Variants in USH2A observed in about 807,000 individuals in gnomAD.
USH2A encodes the protein usherin, also known as Usher syndrome 2A (autosomal recessive, mild).
In USH2A, 443 loss-of-function variants were observed where a neutral mutation model predicts 538.9. That is an observed-to-expected ratio of 0.82 (90% CI 0.76 to 0.89). The LOEUF (loss-of-function observed/expected upper bound fraction) is 0.89. USH2A is among the 40% of genes least tolerant of loss of function. The pLI, the probability that USH2A is intolerant of heterozygous loss-of-function variation, is 0.00. For missense variants in USH2A, 6,633 were observed against 6,324.8 expected, an observed-to-expected ratio of 1.05 and a Z score of -1.65; for synonymous variants, 2,413 against 2,273.5, an observed-to-expected ratio of 1.06 and a Z score of -1.75.
intron 32 of USH2A, among the ~76,000 whole-genome samples, chr1:216,031,870 C>T (rs904174494): frequency 5.9e-5 from 9 of 152,258 alleles, no homozygotes; most frequent in African/African-American, 1.9e-4. Flanking sequence ...CTAGTGACTA[C>T]GCAACCATGG....
At chr1:216,138,218 A>C (rs2033524693) in intron 21 of USH2A, among the ~76,000 whole-genome samples, 1 of 152,208 alleles carries the variant, frequency 6.6e-6, no homozygotes, top group South Asian at 2.1e-4. Context: ...TATTTAGGAT[A>C]ATGGCCGGTA....
chr1:216,045,057 AG>A (rs1277215957), intron 32 of USH2A, among the ~76,000 whole-genome samples: 1 of 152,122 alleles, frequency 6.6e-6, no homozygotes, highest in East Asian at 1.9e-4. Flanking sequence ...CCAAGAGAAG[AG>A]GGACAGTATC....
At chr1:216,321,046 TA>T (rs1174950341) in intron 9 of USH2A, among the ~76,000 whole-genome samples, 1 of 152,108 alleles carries the variant, frequency 6.6e-6, no homozygotes, top group Admixed American at 6.5e-5. Flanking sequence ...TTTATTTTAA[TA>T]TATTTATAGT....
rs145148874 is a variant in USH2A, at chr1:216,361,683, G to A, written c.784+3270C>T. 9.3e-4 allele frequency among the ~76,000 whole-genome samples: 142 copies of A among 152,246 alleles called. 1 individual carries two copies. Among genetic ancestry groups the A allele is most frequent in the African/African-American group, 3.3e-3 (139 of 41,572 alleles). ...CAGGAAATGCACTACATGGCTACAA[G>A]AATGGCAAAGAATGATAACATCTGG... On this transcript the variant is annotated intron_variant, in intron 4 of 71. Coordinates refer to ENST00000307340, the MANE Select transcript of USH2A (RefSeq NM_206933.4).
At chr1:216,281,763 A>G (rs968475500) in intron 11 of USH2A, among the ~76,000 whole-genome samples, 1 of 151,612 alleles carries the variant, frequency 6.6e-6, no homozygotes, top group Non-Finnish European at 1.5e-5. Flanking sequence ...TTTGAGAAAC[A>G]CTAAGCCATT....
chr1:215,999,774 G>A (rs1668222319), intron 33 of USH2A, among the ~76,000 whole-genome samples: 1 of 152,132 alleles, frequency 6.6e-6, no homozygotes, highest in African/African-American at 2.4e-5. Flanking sequence ...GGAACAATGA[G>A]ATCTGAATCA....
chr1:215,845,760 C>G, intron 45 of USH2A, 64 bp downstream of exon 45: 1 of 1,552,908 alleles, frequency 6.4e-7, no homozygotes, highest in Non-Finnish European at 8.8e-7. Context: ...ATCTCAACCC[C>G]GGCAAGAATC....
At chr1:216,403,885 C>T (rs1012445136) in intron 3 of USH2A, among the ~76,000 whole-genome samples, 10 of 152,186 alleles carry the variant, frequency 6.6e-5, no homozygotes, top group East Asian at 5.8e-4. Flanking sequence ...TGAGTTCTCA[C>T]GAGATCTGAT....
chr1:216,014,182 G>A lies in USH2A; in HGVS notation c.6326-13620C>T, dbSNP rs115964435. Among the ~76,000 whole-genome samples the A allele has an allele frequency of 4.0e-3, 613 of 152,208 alleles. 5 individuals carry two copies. The highest frequency in any genetic ancestry group is 0.014 in the African/African-American group (569 of 41,522). On this transcript the variant is annotated intron_variant, in intron 32 of 71. Transcript: ENST00000307340. ...AATTCTTGGTAAAACAGGAGGAAAT[G>A]ATGAGGGAAAGGGAAAAAAATGGAG... is the stretch of plus-strand genomic sequence containing the variant.
chr1:216,226,711 G>A (rs1447487783), intron 14 of USH2A, among the ~76,000 whole-genome samples: 1 of 152,162 alleles, frequency 6.6e-6, no homozygotes, highest in Non-Finnish European at 1.5e-5. Context: ...GTAGTCCACA[G>A]TAATCTTGTC....
At chr1:216,119,725 C>G (rs959506126) in intron 21 of USH2A, among the ~76,000 whole-genome samples, 1 of 152,130 alleles carries the variant, frequency 6.6e-6, no homozygotes, top group African/African-American at 2.4e-5. Flanking sequence ...TTCCAGACTA[C>G]CTTCTGAGAA....
At chr1:215,934,582 T>A in intron 38 of USH2A, 34 bp downstream of exon 38, 1 of 1,602,100 alleles carries the variant, frequency 6.2e-7, no homozygotes, top group Non-Finnish European at 8.5e-7. Context: ...GGCATTTATA[T>A]AAAATTAGAT....
In USH2A at chr1:215,675,678, T is replaced by C. The variant is rs1571950046; in HGVS notation, c.12295-62A>G. ...CATACAATTTCTTTGTGTAGTTACT[T>C]AGCCCCTTTTTAACCTTCACCCCCT... On this transcript the variant is annotated intron_variant, in intron 62 of 71. Transcript: ENST00000307340. 1.8e-5 allele frequency: 29 copies of C among 1,612,444 alleles called. No individual in the cohort carries two copies. The East Asian group carries it at 6.5e-4, about 36-fold the overall frequency.
At chr1:216,074,209 A>G (rs2031669147) in intron 27 of USH2A, among the ~76,000 whole-genome samples, 1 of 152,210 alleles carries the variant, frequency 6.6e-6, no homozygotes. Flanking sequence ...TTTGAATTAC[A>G]TGCTATTTTG....
Position 216,168,071 on chromosome 1 carries a change from AT to A in USH2A, c.4627+7180del, listed in dbSNP as rs1355642477. 7.2e-5 allele frequency among the ~76,000 whole-genome samples: 11 copies of A among 152,182 alleles called. No homozygotes were observed. The East Asian group carries it at 2.1e-3, about 29-fold the overall frequency. On this transcript the variant is annotated intron_variant, in intron 21 of 71. Transcript: ENST00000307340. ...TATACATTTTTAAATGTTTTAACTA[AT>A]TTTTTTCAAGAAAACATACACAAAA...
intron 35 of USH2A, among the ~76,000 whole-genome samples, chr1:215,988,724 T>C (rs1347872481): frequency 6.6e-6 from 1 of 152,182 alleles, no homozygotes; most frequent in African/African-American, 2.4e-5. Context: ...AACTGAGCAA[T>C]TATTATGTCT....
At chr1:215,843,773 T>A (rs1041935678) in intron 46 of USH2A, among the ~76,000 whole-genome samples, 3 of 152,186 alleles carry the variant, frequency 2.0e-5, no homozygotes, top group African/African-American at 7.2e-5. Flanking sequence ...TTTATATATG[T>A]CTTCCTGTTG....
chr1:215,735,515 T>C (rs1305487481), intron 60 of USH2A, among the ~76,000 whole-genome samples: 1 of 152,206 alleles, frequency 6.6e-6, no homozygotes, highest in African/African-American at 2.4e-5. Context: ...TAGATTTGCA[T>C]CTGGGCTCAC....
At chr1:216,148,364 T>C (rs981147936) in intron 21 of USH2A, among the ~76,000 whole-genome samples, 11 of 151,816 alleles carry the variant, frequency 7.2e-5, no homozygotes, top group South Asian at 4.2e-4. Context: ...ACTACAGCTA[T>C]ATCTCATTGC....
Sources: allele counts gnomAD v4.1 joint callset (sites outside exome capture counted in the v4.1 genomes callset), GRCh38; gene constraint gnomAD v4.1.1; transcripts MANE v1.5; gene names NCBI Gene and HGNC (gene_info 2026-07-23, HGNC 2026-07-21).